The following SORCS2 variants were observed in gnomAD, a reference collection of about 807,000 sequenced individuals.
SORCS2 encodes VPS10 domain-containing receptor SorCS2.
Under a neutral mutation model 141.6 loss-of-function variants are expected in SORCS2, and 100 were observed. That is an observed-to-expected ratio of 0.71 (90% CI 0.60 to 0.83). SORCS2 has a LOEUF of 0.83. Among genes scored for constraint, SORCS2 ranks in the 40% least tolerant of loss-of-function variants. The pLI is 0.00. For synonymous variants in SORCS2, 789 were observed against 676.9 expected, an observed-to-expected ratio of 1.17 and a Z score of -2.57; for missense variants, 1,646 against 1,560.2, an observed-to-expected ratio of 1.05 and a Z score of -0.93.
intron 1 of SORCS2, among the ~76,000 whole-genome samples, chr4:7,313,507 C>T (rs757193617): frequency 1.3e-5 from 2 of 151,936 alleles, no homozygotes; most frequent in Admixed American, 6.6e-5. Flanking sequence ...GAGCGGAGGT[C>T]GGGGAGAGGG....
At chr4:7,205,785 G>A (rs560398239) in intron 1 of SORCS2, among the ~76,000 whole-genome samples, 8 of 152,344 alleles carry the variant, frequency 5.3e-5, no homozygotes, top group East Asian at 1.9e-4. Context: ...GCTCACGCCC[G>A]GAATCCCAGC....
chr4:7,524,335 C>A (rs1733527354), intron 2 of SORCS2, among the ~76,000 whole-genome samples: 1 of 152,132 alleles, frequency 6.6e-6, no homozygotes, highest in Non-Finnish European at 1.5e-5. Flanking sequence ...TCCCCTGGAG[C>A]CTCCAGAGGG....
rs141331391 is a variant in SORCS2, at chr4:7,717,918, C to T, written c.2253-94C>T. The T allele has an allele frequency of 8.3e-5, 115 of 1,379,758 alleles. No homozygotes were observed. In the African/African-American group the frequency reaches 1.5e-3, roughly 18 times the overall value. 85.5% of individuals were successfully genotyped at this position (1,379,758 alleles called of 1,614,324 possible). On this transcript the variant is annotated intron_variant, in intron 17 of 26. Coordinates refer to ENST00000507866, the MANE Select transcript of SORCS2 (RefSeq NM_020777.3). ...CCTAGGGGTGGGAAGCCAAGTGCCA[C>T]CTCTGGGTGGCAAGCACGTCCCTCC...
At position 7,192,552 on chromosome 4, in the gene SORCS2, C is replaced by G; in HGVS notation, c.-95C>G. ...CCTCGCCGGCTCCTTTCTCTGCGCT[C>G]TCGCTCGCGCTCCCCAGCGCCCTCC... is the stretch of plus-strand genomic sequence containing the variant. On this transcript the variant is annotated 5_prime_UTR_variant, in exon 1 of 27. Transcript: ENST00000507866. This position sits in a 1 kb window ranked among gnomAD's most constrained non-coding sequence, Gnocchi z 4.0. 3.1e-6 allele frequency: 3 copies of G among 967,382 alleles called. No homozygotes were observed. Among genetic ancestry groups the G allele is most frequent in the Non-Finnish European group, 3.7e-6 (3 of 814,038 alleles). 59.9% of individuals were successfully genotyped at this position (967,382 alleles called of 1,614,324 possible). A position where few individuals can be genotyped will look rare whatever the true frequency, so the allele number is the denominator to read the frequency against.
chr4:7,318,533 C>A (rs547520155), intron 1 of SORCS2, among the ~76,000 whole-genome samples: 1 of 152,218 alleles, frequency 6.6e-6, no homozygotes, highest in Non-Finnish European at 1.5e-5. Context: ...GTGCAACTCA[C>A]TTTAACTCTT....
At chr4:7,327,802 C>T (rs1004772356) in intron 1 of SORCS2, among the ~76,000 whole-genome samples, 3 of 151,758 alleles carry the variant, frequency 2.0e-5, no homozygotes, top group Non-Finnish European at 2.9e-5. Flanking sequence ...CTTGTGTGAC[C>T]GCCCCCCCCA....
chr4:7,652,751 C>T lies in SORCS2; in HGVS notation c.814-1383C>T, dbSNP rs559787805. Among the ~76,000 whole-genome samples, 8 of 151,836 alleles carry T rather than the reference C, an allele frequency of 5.3e-5. No individual in the cohort carries two copies. In the South Asian group the frequency reaches 1.7e-3, roughly 32 times the overall value. The stretch of plus-strand genomic sequence containing the variant: ...AGGGCTCCCTGCCTCCACCCACAGC[C>T]TCTGGTGTGGGCTACTTGAAACGCT... On this transcript the variant is annotated intron_variant, in intron 4 of 26. Coordinates refer to ENST00000507866, the MANE Select transcript of SORCS2 (RefSeq NM_020777.3).
rs1560366423 is a variant in SORCS2, at chr4:7,536,835, G to GTC, written c.648+5206_648+5207insTC. Among the ~76,000 whole-genome samples, 5 of 31,870 alleles carry GTC rather than the reference G, an allele frequency of 1.6e-4. No individual in the cohort carries two copies. The East Asian group carries it at 0.014, about 90-fold the overall frequency. 20.9% of individuals were successfully genotyped at this position (31,870 alleles called of 152,430 possible). A position where few individuals can be genotyped will look rare whatever the true frequency, so the allele number is the denominator to read the frequency against. ...CGGATGTCCCCATACTCAGATGTGGGGGGGGGGGGCGGGCAGGGCCCACCT... is the reference window on the plus strand; with the variant it reads ...CGGATGTCCCCATACTCAGATGTGGGTCGGGGGGGGGCGGGCAGGGCCCACCT... On this transcript the variant is annotated intron_variant, in intron 3 of 26. Coordinates refer to ENST00000507866, the MANE Select transcript of SORCS2 (RefSeq NM_020777.3).
chr4:7,351,660 C>A (rs531562800), intron 1 of SORCS2, among the ~76,000 whole-genome samples: 1 of 152,002 alleles, frequency 6.6e-6, no homozygotes, highest in Non-Finnish European at 1.5e-5. Flanking sequence ...CTTCCTCTCC[C>A]TTCCTCTCCC....
At chr4:7,419,285 G>A (rs1725889666) in intron 2 of SORCS2, among the ~76,000 whole-genome samples, 1 of 152,140 alleles carries the variant, frequency 6.6e-6, no homozygotes, top group African/African-American at 2.4e-5. Context: ...GGGTCCTGAG[G>A]GCAAAGCTAG....
intron 3 of SORCS2, among the ~76,000 whole-genome samples, chr4:7,610,512 G>T (rs1402345633): frequency 6.6e-6 from 1 of 152,172 alleles, no homozygotes; most frequent in African/African-American, 2.4e-5. Flanking sequence ...CCGGGCCGGG[G>T]ACGCAGACGA....
rs981135018 is a variant in SORCS2 at position 7,329,422 on chromosome 4, G to A, written c.481-66866G>A. 2.6e-5 allele frequency among the ~76,000 whole-genome samples: 4 copies of A among 152,184 alleles called. No homozygotes were observed. In the East Asian group the frequency reaches 7.7e-4, roughly 29 times the overall value. ...CGGGCCAGCCACCCTGAGCCACGGT[G>A]GCAATGGTTAGTGTCTGCGCTGATA... is the stretch of plus-strand genomic sequence containing the variant. On this transcript the variant is annotated intron_variant, in intron 1 of 26. Transcript: ENST00000507866.
rs527554805 is a variant in SORCS2 at position 7,388,207 on chromosome 4, G to A, written c.481-8081G>A. On this transcript the variant is annotated intron_variant, in intron 1 of 26. Transcript: ENST00000507866. ...TAGACGGCCTGCAGAAGTCGGCTCC[G>A]TGTTGGCCTGGCTCCTGCTCCTAAC... Among the ~76,000 whole-genome samples the A allele has an allele frequency of 2.6e-5, 4 of 152,338 alleles. No homozygotes were observed. The East Asian group carries it at 5.8e-4, about 22-fold the overall frequency.
At position 7,433,556 on chromosome 4, in the gene SORCS2, C is replaced by T. The variant is rs199523405; in HGVS notation, c.548+37201C>T. On this transcript the variant is annotated intron_variant, in intron 2 of 26. Coordinates refer to ENST00000507866, the MANE Select transcript of SORCS2 (RefSeq NM_020777.3). ...ATGAGCACGGGCTCGTACTGGGTGA[C>T]GAAGTGCTTGCACTGGATCATATAG... The T allele has an allele frequency of 5.9e-4, 945 of 1,611,104 alleles. 4 individuals are homozygous for T. The highest frequency in any genetic ancestry group is 6.7e-4 in the Non-Finnish European group (792 of 1,179,030).
At chr4:7,615,206 C>T (rs533041078) in intron 3 of SORCS2, among the ~76,000 whole-genome samples, 7 of 152,296 alleles carry the variant, frequency 4.6e-5, no homozygotes, top group African/African-American at 1.7e-4. Context: ...ATTGATTTGT[C>T]AGAGATTTAC....
In SORCS2 at chr4:7,396,318, G is replaced by C. The variant is rs759703309; in HGVS notation, c.511G>C (p.Ala171Pro). ...CTTGATCCTGACGAAGTACTACCACGCAGACATGGGGAAGGTTCTGGAAAG... is the reference window on the plus strand; with the variant it reads ...CTTGATCCTGACGAAGTACTACCACCCAGACATGGGGAAGGTTCTGGAAAG... ...VILILTKYYH[A>P]DMGKVLESSL... The change falls in exon 2 of 27, where the codon GCA becomes CCA. Residue 171 changes from alanine (A) to proline (P), a missense_variant. Transcript: ENST00000507866. 1 of 1,613,886 alleles carries C rather than the reference G, an allele frequency of 6.2e-7. No homozygotes were observed. Among genetic ancestry groups the C allele is most frequent in the Non-Finnish European group, 8.5e-7 (1 of 1,179,864 alleles).
At chr4:7,695,603 GAT>G (rs1724597957) in intron 11 of SORCS2, among the ~76,000 whole-genome samples, 2 of 49,076 alleles carry the variant, frequency 4.1e-5, no homozygotes, top group Admixed American at 2.1e-4. Context: ...TGGGTGGGTG[GAT>G]GGATGGATGG....
intron 2 of SORCS2, among the ~76,000 whole-genome samples, chr4:7,519,402 C>T (rs190463308): frequency 2.0e-5 from 3 of 152,210 alleles, no homozygotes; most frequent in African/African-American, 7.2e-5. Context: ...TAGTTTGGAA[C>T]TCAAGTCAAA....
intron 1 of SORCS2, among the ~76,000 whole-genome samples, chr4:7,234,184 G>A (rs1030365450): frequency 1.3e-5 from 2 of 152,252 alleles, no homozygotes; most frequent in African/African-American, 4.8e-5. Context: ...GCCCTGAAAT[G>A]TATTGATTCT....
Sources: gnomAD v4.1 joint callset for allele counts (sites outside exome capture counted in the v4.1 genomes callset) on GRCh38, gnomAD v4.1.1 for gene constraint, Gnocchi (gnomAD v3.1) non-coding constraint, MANE v1.5 for transcripts, NCBI Gene and HGNC (gene_info 2026-07-23, HGNC 2026-07-21) for gene names.